Variants in UBAP2 observed in about 807,000 individuals in gnomAD.
UBAP2 encodes ubiquitin-associated protein 2.
A neutral mutation model predicts 139.6 loss-of-function variants in UBAP2; 75 were observed. The observed-to-expected ratio is 0.54, with a 90% confidence interval of 0.45 to 0.65. UBAP2 has a LOEUF of 0.65. Ranked by LOEUF, UBAP2 falls within the 30% of genes least tolerant of loss-of-function variation. The pLI, the probability that UBAP2 is intolerant of heterozygous loss-of-function variation, is 0.00. For synonymous variants in UBAP2, 526 were observed against 526.2 expected (o/e 1.00, Z 0.01); for missense variants, 1,368 against 1,369.6 (o/e 1.00, Z 0.02).
At chr9:34,013,315 G>A (rs59891784) in intron 2 of UBAP2, among the ~76,000 whole-genome samples, 1,782 of 151,290 alleles carry the variant, frequency 0.012, 34 homozygotes, top group African/African-American at 0.04. Context: ...TTTGGGAGGC[G>A]GAGCTGGGTG....
intron 13 of UBAP2, among the ~76,000 whole-genome samples, chr9:33,947,809 A>G (rs1285916180): frequency 6.7e-6 from 1 of 148,674 alleles, no homozygotes. Context: ...TGTGCAACAG[A>G]GCAAGATCCT....
At chr9:34,013,464 C>G (rs1193798340) in intron 2 of UBAP2, among the ~76,000 whole-genome samples, 1 of 152,024 alleles carries the variant, frequency 6.6e-6, no homozygotes, top group Non-Finnish European at 1.5e-5. Flanking sequence ...GCACTCCAGC[C>G]TGGACAACAA....
intron 1 of UBAP2, among the ~76,000 whole-genome samples, chr9:34,040,315 C>A (rs1826951522): frequency 1.0e-5 from 1 of 96,420 alleles, no homozygotes. Context: ...CAGAATGAGA[C>A]TCTGTCTCAA....
chr9:34,003,840 C>G (rs1391345219), intron 2 of UBAP2, among the ~76,000 whole-genome samples: 3 of 152,168 alleles, frequency 2.0e-5, no homozygotes, highest in Non-Finnish European at 1.5e-5. Flanking sequence ...GTGTCTCAGC[C>G]TCTTGAGTAG....
chr9:33,999,862 G>T (rs1415646388), intron 2 of UBAP2, among the ~76,000 whole-genome samples: 1 of 65,782 alleles, frequency 1.5e-5, no homozygotes, highest in Admixed American at 1.9e-4. Context: ...ACGTATGTAT[G>T]TATGTATGTA....
At chr9:34,044,273 C>G (rs187758859) in intron 1 of UBAP2, among the ~76,000 whole-genome samples, 1 of 151,818 alleles carries the variant, frequency 6.6e-6, no homozygotes, top group African/African-American at 2.4e-5. Flanking sequence ...TGACAGCACA[C>G]GCCTGTAGTC....
chr9:33,935,167 G>A (rs1052538188), intron 17 of UBAP2, among the ~76,000 whole-genome samples: 1 of 143,120 alleles, frequency 7.0e-6, no homozygotes, highest in Non-Finnish European at 1.6e-5. Flanking sequence ...AAGTGGCGGG[G>A]GGGGGGGGTC....
chr9:33,959,255 G>T (rs917197361), intron 10 of UBAP2, among the ~76,000 whole-genome samples: 3 of 152,200 alleles, frequency 2.0e-5, no homozygotes, highest in Non-Finnish European at 2.9e-5. Flanking sequence ...AATACTGTGT[G>T]TGAAGGAGTA....
chr9:34,030,671 A>G (rs1825815509), intron 1 of UBAP2, among the ~76,000 whole-genome samples: 1 of 152,182 alleles, frequency 6.6e-6, no homozygotes, highest in Non-Finnish European at 1.5e-5. Flanking sequence ...TCACGCCTGT[A>G]ATCCCAGCAC....
chr9:33,973,388 C>T, intron 6 of UBAP2, 151 bp from the exon 7 acceptor site: 1 of 777,474 alleles, frequency 1.3e-6, no homozygotes, highest in Non-Finnish European at 2.1e-6. Context: ...ATTAACTGAT[C>T]CCTGCTGATA....
At chr9:34,032,916 CAAA>C (rs71506153) in intron 1 of UBAP2, among the ~76,000 whole-genome samples, 11 of 118,062 alleles carry the variant, frequency 9.3e-5, no homozygotes, top group Admixed American at 1.8e-4. Context: ...ACCCTGTCTT[CAAA>C]AAAAAAAAAA....
At chr9:34,037,621 G>A (rs1482075130) in intron 1 of UBAP2, among the ~76,000 whole-genome samples, 1 of 152,108 alleles carries the variant, frequency 6.6e-6, no homozygotes, top group Non-Finnish European at 1.5e-5. Flanking sequence ...ACTTAGCATT[G>A]ATGAAAATTA....
chr9:33,978,960 C>T (rs1245341454), intron 6 of UBAP2, among the ~76,000 whole-genome samples: 1 of 152,158 alleles, frequency 6.6e-6, no homozygotes, highest in Non-Finnish European at 1.5e-5. Context: ...CATTACCAGC[C>T]AAAGCAGTGG....
chr9:33,998,921 C>CA (rs1460916135), intron 2 of UBAP2, 57 bp from the exon 3 acceptor site: 1 of 1,468,660 alleles, frequency 6.8e-7, no homozygotes, highest in African/African-American at 1.4e-5. Flanking sequence ...AGTTAGATTC[C>CA]AAAATCTGGG....
At chr9:33,986,717 C>A in intron 6 of UBAP2, 43 bp downstream of exon 6, 1 of 1,539,996 alleles carries the variant, frequency 6.5e-7, no homozygotes, top group Non-Finnish European at 9.0e-7. Context: ...CCTGCTTCTT[C>A]CCCCTAATTG....
At chr9:33,971,803 A>G (rs1827937159) in intron 7 of UBAP2, 49 bp from the exon 8 acceptor site, 9 of 1,094,960 alleles carry the variant, frequency 8.2e-6, no homozygotes, top group African/African-American at 1.5e-5. Flanking sequence ...GCAAACACCT[A>G]AGCCAAAATA....
chr9:33,987,442 A>C (rs547440036), intron 5 of UBAP2, among the ~76,000 whole-genome samples: 1 of 152,128 alleles, frequency 6.6e-6, no homozygotes, highest in Admixed American at 6.5e-5. Context: ...AATACAAAAA[A>C]ATACAAAAAT....
intron 9 of UBAP2, among the ~76,000 whole-genome samples, chr9:33,962,304 A>G (rs1201094064): frequency 6.6e-6 from 1 of 152,242 alleles, no homozygotes; most frequent in Non-Finnish European, 1.5e-5. Flanking sequence ...ACTTTTATAC[A>G]TGATATGTAG....
At chr9:33,958,705 C>A (rs1179205067) in intron 10 of UBAP2, among the ~76,000 whole-genome samples, 1 of 99,742 alleles carries the variant, frequency 1.0e-5, no homozygotes, top group Non-Finnish European at 2.1e-5. Flanking sequence ...CTGTGCCCGG[C>A]CTTTTTTTTT....
Sources: allele counts gnomAD v4.1 joint callset (sites outside exome capture counted in the v4.1 genomes callset), GRCh38; gene constraint gnomAD v4.1.1; transcripts MANE v1.5; gene names NCBI Gene and HGNC (gene_info 2026-07-23, HGNC 2026-07-21).